RNF149: variants seen among roughly 807,000 people sequenced by gnomAD.
RNF149 encodes the protein E3 ubiquitin-protein ligase RNF149.
RNF149 carries 21 observed loss-of-function variants against 39.0 expected under a neutral mutation model. That is an observed-to-expected ratio of 0.54 (90% CI 0.38 to 0.77). RNF149 has a LOEUF of 0.77. Among genes scored for constraint, RNF149 ranks in the 30% least tolerant of loss-of-function variants. The pLI is 0.00. For synonymous variants in RNF149, 209 were observed against 213.6 expected, an observed-to-expected ratio of 0.98 and a Z score of 0.19; for missense variants, 493 against 534.9, an observed-to-expected ratio of 0.92 and a Z score of 0.77.
chr2:101,285,798 C>T (rs1192796), intron 5 of RNF149, among the ~76,000 whole-genome samples: 125,288 of 152,232 alleles, frequency 0.82, 52,315 homozygotes, highest in East Asian at 1. Flanking sequence ...AACTAGCATA[C>T]ATACATTCTG....
intron 6 of RNF149, 69 bp from the exon 7 acceptor site, chr2:101,277,350 C>T: frequency 6.5e-7 from 1 of 1,530,758 alleles, no homozygotes; most frequent in Non-Finnish European, 8.8e-7. Flanking sequence ...ACTATGCAAA[C>T]ACACTTACTC....
intron 1 of RNF149, among the ~76,000 whole-genome samples, chr2:101,304,897 G>A (rs977091100): frequency 7.1e-6 from 1 of 141,636 alleles, no homozygotes; most frequent in Admixed American, 7.4e-5. Context: ...CTAGAGTACA[G>A]TGGCACAATC....
At chr2:101,286,396 G>T in intron 4 of RNF149, 1 of 405,780 alleles carries the variant, frequency 2.5e-6, no homozygotes. Context: ...AAAAACCATG[G>T]CTTATTTATG....
In RNF149 at chr2:101,277,276, CG is replaced by C. The variant is rs1448839069; in HGVS notation, c.1164del (p.Gly389AlafsTer18). 5 of 1,612,586 alleles carry C rather than the reference CG, an allele frequency of 3.1e-6. No individual in the cohort carries two copies. The Admixed American group carries it at 8.4e-5, about 27-fold the overall frequency. On this transcript the variant is annotated frameshift_variant, in exon 7 of 7. Transcript: ENST00000295317. LOFTEE classifies it high-confidence loss of function. ...CCTCCATGCCGAGAGTCACTCCTGCCGGCTTCTGCAAGAGAGCAACATAAGC... is the reference window on the plus strand; with the variant it reads ...CCTCCATGCCGAGAGTCACTCCTGCCGCTTCTGCAAGAGAGCAACATAAGC... ...DAGENTALLE[A>X]GRSDSRHGGP...
chr2:101,294,275 C>T (rs377135713), intron 2 of RNF149, 193 bp from the exon 3 acceptor site: 3 of 458,912 alleles, frequency 6.5e-6, no homozygotes, highest in African/African-American at 4.1e-5. Context: ...CATAAAAAAG[C>T]CCCCTAACAA....
chr2:101,282,047 C>T lies in RNF149; in HGVS notation c.971G>A (p.Gly324Glu). 6.2e-7 allele frequency: 1 copy of T among 1,613,810 alleles called. No homozygotes were observed. The highest frequency in any genetic ancestry group is 8.5e-7 in the Non-Finnish European group (1 of 1,179,902). The part of the protein sequence containing the change: ...IKALGYWGEP[G>E]DVQEMPAPES... ...TGGAGCAGGCATCTCCTGTACATCC[C>T]CAGGCTCTCCCTTGAGAATTAGAAC... Residue 324 changes from glycine to glutamate, a missense_variant, in exon 6 of 7, where the codon GGG becomes GAG. Coordinates refer to ENST00000295317, the MANE Select transcript of RNF149 (RefSeq NM_173647.4).
chr2:101,277,491 C>T (rs1000725474), intron 6 of RNF149, among the ~76,000 whole-genome samples: 1 of 147,176 alleles, frequency 6.8e-6, no homozygotes, highest in Non-Finnish European at 1.5e-5. Context: ...CGGGTTCAAG[C>T]GATTCTCCTG....
In RNF149 at chr2:101,307,266, T is replaced by G. The variant is rs1157250600; in HGVS notation, c.460+863A>C. Among the ~76,000 whole-genome samples the G allele has an allele frequency of 2.0e-5, 3 of 152,328 alleles. No homozygotes were observed. In the East Asian group the frequency reaches 5.8e-4, roughly 29 times the overall value. On this transcript the variant is annotated intron_variant, in intron 1 of 6. Coordinates refer to ENST00000295317, the MANE Select transcript of RNF149 (RefSeq NM_173647.4). Reference sequence around the variant, plus strand: ...GGCACAATCACAGCTCACTACAGTCTCGATCTCCTGGGCTCAAGTGATTCT... The same window carrying G: ...GGCACAATCACAGCTCACTACAGTCGCGATCTCCTGGGCTCAAGTGATTCT...
At chr2:101,298,667 C>A (rs970421190) in intron 1 of RNF149, among the ~76,000 whole-genome samples, 1 of 151,838 alleles carries the variant, frequency 6.6e-6, no homozygotes, top group African/African-American at 2.4e-5. Flanking sequence ...AAAAAAACCC[C>A]AAAAAACAAA....
At chr2:101,303,468 T>G (rs1197487937) in intron 1 of RNF149, among the ~76,000 whole-genome samples, 1 of 152,102 alleles carries the variant, frequency 6.6e-6, no homozygotes, top group East Asian at 1.9e-4. Flanking sequence ...TTTCGATCAT[T>G]TGTGAGAGTG....
chr2:101,302,845 C>T (rs1300425587), intron 1 of RNF149, among the ~76,000 whole-genome samples: 1 of 152,032 alleles, frequency 6.6e-6, no homozygotes, highest in Admixed American at 6.6e-5. Flanking sequence ...CCAGGTGTGG[C>T]AGCATGCACC....
intron 1 of RNF149, among the ~76,000 whole-genome samples, chr2:101,306,026 T>C (rs564440962): frequency 3.8e-4 from 58 of 152,262 alleles, no homozygotes; most frequent in Non-Finnish European, 5.7e-4. Flanking sequence ...TGGACACCGA[T>C]AATGGGAAGA....
At chr2:101,281,758 G>T in intron 6 of RNF149, 101 bp downstream of exon 6, 1 of 1,427,550 alleles carries the variant, frequency 7.0e-7, no homozygotes, top group Non-Finnish European at 9.7e-7. Flanking sequence ...GCTCAAACTC[G>T]AGCAATCCTC....
chr2:101,278,236 C>T (rs545321842), intron 6 of RNF149, among the ~76,000 whole-genome samples: 4 of 152,262 alleles, frequency 2.6e-5, no homozygotes, highest in East Asian at 3.9e-4. Flanking sequence ...GCTGCATCCT[C>T]GACTTCCTGG....
Position 101,275,899 on chromosome 2 carries a change from A to C in RNF149, c.*1339T>G. The C allele has an allele frequency of 1.0e-6, 1 of 985,402 alleles. No individual in the cohort carries two copies. The highest frequency in any genetic ancestry group is 1.2e-6 in the Non-Finnish European group (1 of 829,912). 61.0% of individuals were successfully genotyped at this position (985,402 alleles called of 1,614,324 possible). The stretch of plus-strand genomic sequence containing the variant: ...GTCTGCTAAAACCAACTCAGTGTGC[A>C]AAGCGAAATACATTTTCTACTTCAA... On this transcript the variant is annotated 3_prime_UTR_variant, in exon 7 of 7. Coordinates refer to ENST00000295317, the MANE Select transcript of RNF149 (RefSeq NM_173647.4).
chr2:101,308,549 C>A lies in RNF149; in HGVS notation c.40G>T (p.Gly14Cys). ...GCGAGCAACGCCAGAGCCAACACGC[C>A]GCGAGCCCCGACGCTGGCTTCGCGC... The part of the protein sequence containing the change: ...RRREASVGAR[G>C]VLALALLALA... Residue 14 changes from glycine (G) to cysteine (C), a missense_variant, in exon 1 of 7, where the codon GGC becomes TGC. By Grantham distance (159) the Gly-to-Cys change is radical. Coordinates refer to ENST00000295317, the MANE Select transcript of RNF149 (RefSeq NM_173647.4). 2 of 1,587,902 alleles carry A rather than the reference C, an allele frequency of 1.3e-6. No homozygotes were observed. Among genetic ancestry groups the A allele is most frequent in the Non-Finnish European group, 8.5e-7 (1 of 1,171,314 alleles).
At chr2:101,277,325 A>G in intron 6 of RNF149, 44 bp from the exon 7 acceptor site, 2 of 1,578,776 alleles carry the variant, frequency 1.3e-6, no homozygotes, top group East Asian at 2.3e-5. Context: ...AGAGGGCAGC[A>G]TATTCCGAGC....
At chr2:101,304,259 C>T (rs867371594) in intron 1 of RNF149, among the ~76,000 whole-genome samples, 2 of 151,948 alleles carry the variant, frequency 1.3e-5, no homozygotes, top group African/African-American at 2.4e-5. Context: ...TAGCCAGACA[C>T]GGTGGCGTGC....
At chr2:101,298,835 C>A (rs1477938799) in intron 1 of RNF149, among the ~76,000 whole-genome samples, 1 of 152,130 alleles carries the variant, frequency 6.6e-6, no homozygotes, top group Non-Finnish European at 1.5e-5. Context: ...GAATTCTGTA[C>A]CATGTGCACA....
Sources: gnomAD v4.1 joint callset for allele counts (sites outside exome capture counted in the v4.1 genomes callset) on GRCh38, gnomAD v4.1.1 for gene constraint, MANE v1.5 for transcripts, NCBI Gene and HGNC (gene_info 2026-07-23, HGNC 2026-07-21) for gene names.